Variants in PROS1 observed in about 807,000 individuals in gnomAD.
The protein encoded by PROS1 is protein S.
A neutral mutation model predicts 75.9 loss-of-function variants in PROS1; 29 were observed. The ratio of observed to expected loss-of-function variants is 0.38; its 90% CI spans 0.28 to 0.52. The LOEUF (loss-of-function observed/expected upper bound fraction) is 0.52, where lower values mean the gene tolerates loss of function less well. PROS1 is among the 20% of genes least tolerant of loss of function. PROS1 has a pLI of 0.83. For synonymous variants in PROS1, 245 were observed against 280.6 expected, an observed-to-expected ratio of 0.87 and a Z score of 1.27; for missense variants, 680 against 810.3, an observed-to-expected ratio of 0.84 and a Z score of 1.95.
At chr3:93,905,264 G>A (rs1346496662) in intron 6 of PROS1, among the ~76,000 whole-genome samples, 2 of 152,144 alleles carry the variant, frequency 1.3e-5, no homozygotes, top group South Asian at 2.1e-4. Flanking sequence ...ACACAAGTGT[G>A]TACACGCACA....
chr3:93,892,449 AC>A (rs1160394943), intron 10 of PROS1, among the ~76,000 whole-genome samples: 3 of 151,824 alleles, frequency 2.0e-5, no homozygotes, highest in African/African-American at 7.3e-5. Flanking sequence ...ACACGGAGAA[AC>A]CCCGTCTCTA....
Position 93,892,964 on chromosome 3 carries a change from C to A in PROS1, c.1124G>T (p.Gly375Val). 2 of 1,612,574 alleles carry A rather than the reference C, an allele frequency of 1.2e-6. No homozygotes were observed. Among genetic ancestry groups the A allele is most frequent in the Non-Finnish European group, 1.7e-6 (2 of 1,179,896 alleles). The change falls in exon 10 of 15, where the codon GGT becomes GTT. Residue 375 changes from glycine (G) to valine (V), a missense_variant. Physicochemically the swap from Gly to Val is moderately radical, Grantham distance 109. Coordinates refer to ENST00000394236, the MANE Select transcript of PROS1 (RefSeq NM_000313.4). The stretch of plus-strand genomic sequence containing the variant: ...CCATAGACCATTATTAATAACATCA[C>A]CTCCAGTTGTGATTTTGGATGTATG... The part of the protein sequence containing the change: ...NEHTSKITTG[G>V]DVINNGLWNM...
chr3:93,945,568 A>T (rs1453779368), intron 1 of PROS1, among the ~76,000 whole-genome samples: 1 of 152,240 alleles, frequency 6.6e-6, no homozygotes, highest in Non-Finnish European at 1.5e-5. Context: ...CCACATGATT[A>T]TCTCAATAGA....
chr3:93,884,879 A>G lies in PROS1; in HGVS notation c.1341T>C (p.Asp447=). The G allele has an allele frequency of 1.2e-6, 2 of 1,613,098 alleles. No homozygotes were observed. Among genetic ancestry groups the G allele is most frequent in the Non-Finnish European group, 8.5e-7 (1 of 1,179,636 alleles). ...TCAAATTCCAGCTTCGTATACATCC[A>G]TCTAGACGAGGGTTAATCTAACAAA... The part of the protein sequence containing the change: ...ELIKPINPRL[D]GCIRSWNLMK... The change falls in exon 12 of 15, where the codon GAT becomes GAC. Residue 447 remains aspartate (D), a synonymous_variant. Transcript: ENST00000394236.
intron 1 of PROS1, among the ~76,000 whole-genome samples, chr3:93,956,698 T>A (rs1709609279): frequency 6.6e-6 from 1 of 152,094 alleles, no homozygotes; most frequent in East Asian, 1.9e-4. Context: ...ATCCAGAGAT[T>A]CCAGTATTTG....
intron 1 of PROS1, among the ~76,000 whole-genome samples, chr3:93,972,776 G>A (rs1441517452): frequency 6.6e-6 from 1 of 152,150 alleles, no homozygotes; most frequent in Non-Finnish European, 1.5e-5. Context: ...TTGAAGCCGG[G>A]GGGCGGAGGT....
At chr3:93,903,041 AT>A (rs1465351292) in intron 6 of PROS1, among the ~76,000 whole-genome samples, 2 of 151,820 alleles carry the variant, frequency 1.3e-5, no homozygotes, top group Non-Finnish European at 2.9e-5. Context: ...AATTTTCTGT[AT>A]TTTTAGTAGA....
At chr3:93,938,958 T>C (rs952104270) in intron 1 of PROS1, among the ~76,000 whole-genome samples, 6 of 151,942 alleles carry the variant, frequency 3.9e-5, no homozygotes, top group African/African-American at 1.4e-4. Context: ...CCACCCCCCT[T>C]CTCCATGTCT....
intron 12 of PROS1, among the ~76,000 whole-genome samples, chr3:93,880,397 C>T (rs1316547759): frequency 2.0e-5 from 3 of 151,778 alleles, no homozygotes; most frequent in African/African-American, 4.8e-5. Flanking sequence ...AGCTACAACT[C>T]GGGAGGCTTG....
At chr3:93,947,911 T>G (rs1299855050) in intron 1 of PROS1, among the ~76,000 whole-genome samples, 2 of 152,136 alleles carry the variant, frequency 1.3e-5, no homozygotes, top group Non-Finnish European at 2.9e-5. Flanking sequence ...CCCCCTTACC[T>G]TGGCATTGCC....
chr3:93,923,792 C>T (rs1316498538), intron 3 of PROS1, among the ~76,000 whole-genome samples: 1 of 151,906 alleles, frequency 6.6e-6, no homozygotes, highest in Non-Finnish European at 1.5e-5. Flanking sequence ...CCCAGCTACT[C>T]GGGAGGCTGA....
intron 4 of PROS1, among the ~76,000 whole-genome samples, chr3:93,906,449 C>A (rs568103515): frequency 6.6e-6 from 1 of 152,346 alleles, no homozygotes; most frequent in South Asian, 2.1e-4. Flanking sequence ...GAGCCCCACA[C>A]TCCCCGGATG....
At chr3:93,894,947 A>AT (rs1708479364) in intron 9 of PROS1, among the ~76,000 whole-genome samples, 1 of 152,198 alleles carries the variant, frequency 6.6e-6, no homozygotes, top group African/African-American at 2.4e-5. Flanking sequence ...TCAAACTACT[A>AT]TGAATCGTCA....
intron 1 of PROS1, among the ~76,000 whole-genome samples, chr3:93,944,054 A>G (rs564971176): frequency 6.6e-6 from 1 of 152,320 alleles, no homozygotes; most frequent in South Asian, 2.1e-4. Context: ...TAGTCACTTC[A>G]CACAGATGAG....
intron 1 of PROS1, among the ~76,000 whole-genome samples, chr3:93,933,700 G>A (rs1316393957): frequency 6.6e-6 from 1 of 152,222 alleles, no homozygotes; most frequent in Non-Finnish European, 1.5e-5. Context: ...GAGGTGAGCT[G>A]ATCACTTGAA....
intron 10 of PROS1, among the ~76,000 whole-genome samples, chr3:93,890,477 T>C (rs1708416254): frequency 1.3e-5 from 2 of 152,306 alleles, no homozygotes; most frequent in South Asian, 4.1e-4. Context: ...CCTCTCCCCT[T>C]TTGAAATCCT....
chr3:93,885,707 G>A (rs2107138973), intron 11 of PROS1, among the ~76,000 whole-genome samples: 1 of 152,254 alleles, frequency 6.6e-6, no homozygotes, highest in South Asian at 2.1e-4. Flanking sequence ...TACTTTTAAA[G>A]TGTATTAATT....
intron 1 of PROS1, among the ~76,000 whole-genome samples, chr3:93,941,228 C>T (rs1264085480): frequency 6.6e-6 from 1 of 152,116 alleles, no homozygotes; most frequent in African/African-American, 2.4e-5. Context: ...ACTTTGTAGC[C>T]CTGCCTTTGA....
In PROS1 at chr3:93,921,167, A is replaced by C. The variant is rs1223821997; in HGVS notation, c.259+3073T>G. 2.0e-5 allele frequency among the ~76,000 whole-genome samples: 3 copies of C among 152,198 alleles called. No homozygotes were observed. In the East Asian group the frequency reaches 5.8e-4, roughly 29 times the overall value. On this transcript the variant is annotated intron_variant, in intron 3 of 14. Transcript: ENST00000394236. ...TTGAGTGGCTGGGATTACGGGCATA[A>C]GCCACTGCACCCAGCTGATTTCCTG...
Sources: gnomAD v4.1 joint callset for allele counts (sites outside exome capture counted in the v4.1 genomes callset) on GRCh38, gnomAD v4.1.1 for gene constraint, MANE v1.5 for transcripts, NCBI Gene and HGNC (gene_info 2026-07-23, HGNC 2026-07-21) for gene names.